HNRNPL: variants seen among roughly 807,000 people sequenced by gnomAD.
HNRNPL encodes the protein epididymis secretory sperm binding protein.
A neutral mutation model predicts 64.0 loss-of-function variants in HNRNPL; 12 were observed. The observed-to-expected ratio is 0.19, with a 90% CI of 0.12 to 0.30. HNRNPL has a LOEUF of 0.30. Ranked by LOEUF, HNRNPL falls within the 10% of genes least tolerant of loss-of-function variation. The pLI, the probability that HNRNPL is intolerant of heterozygous loss-of-function variation, is 1.00. For missense variants in HNRNPL, 484 were observed against 797.4 expected, an observed-to-expected ratio of 0.61 and a Z score of 4.73; for synonymous variants, 385 against 313.0, an observed-to-expected ratio of 1.23 and a Z score of -2.43.
intron 1 of HNRNPL, chr19:38,849,191 G>A (rs920120671): frequency 1.3e-5 from 2 of 156,994 alleles, no homozygotes; most frequent in Admixed American, 6.5e-5. Flanking sequence ...AGAGCATCTA[G>A]GCTCAAACAC....
At chr19:38,841,853 T>C in intron 6 of HNRNPL, 1 of 381,228 alleles carries the variant, frequency 2.6e-6, no homozygotes, top group South Asian at 2.0e-5. Context: ...ATGAAGTGGG[T>C]AGTGTCCCTC....
intron 3 of HNRNPL, 39 bp downstream of exon 3, chr19:38,845,814 G>T: frequency 6.3e-7 from 1 of 1,599,328 alleles, no homozygotes; most frequent in Non-Finnish European, 8.6e-7. Flanking sequence ...GGGGAGAAAA[G>T]GAAGGGAGAC....
chr19:38,838,715 T>C, intron 9 of HNRNPL, 117 bp from the exon 10 acceptor site: 2 of 1,313,652 alleles, frequency 1.5e-6, no homozygotes, highest in East Asian at 2.3e-5. Flanking sequence ...GCTCTACACC[T>C]GAGGCAAGGC....
rs747217365 is a variant in HNRNPL at position 38,845,910 on chromosome 19, C to G, written c.567G>C (p.Arg189=). 1.2e-6 allele frequency: 2 copies of G among 1,614,196 alleles called. No homozygotes were observed. The highest frequency in any genetic ancestry group is 1.7e-6 in the Non-Finnish European group (2 of 1,180,034). The part of the protein sequence containing the change: ...ISRPGDSDDS[R]SVNSVLLFTI... ...TAAAGAGAAGCACACTGTTCACGCT[C>G]CGGGAGTCATCCGAGTCCCCAGGGC... Residue 189 remains arginine, a synonymous_variant, in exon 3 of 13, where the codon CGG becomes CGC. Transcript: ENST00000221419.
intron 1 of HNRNPL, among the ~76,000 whole-genome samples, chr19:38,848,194 GATTCTCC>G (rs1972366363): frequency 6.6e-6 from 1 of 152,094 alleles, no homozygotes; most frequent in African/African-American, 2.4e-5. Flanking sequence ...AGGTTCAAGC[GATTCTCC>G]TGCCTCAGCC....
upstream of HNRNPL, among the ~76,000 whole-genome samples, chr19:38,851,479 A>C (rs1972502831): frequency 6.6e-6 from 1 of 152,120 alleles, no homozygotes; most frequent in Non-Finnish European, 1.5e-5. Flanking sequence ...GATATCGCCA[A>C]AGGGGGGAAA....
intron 6 of HNRNPL, chr19:38,840,897 T>G (rs945800256): frequency 6.1e-6 from 2 of 326,964 alleles, no homozygotes; most frequent in Admixed American, 5.1e-5. Flanking sequence ...GAAGCTGATA[T>G]ATTATGGCGG....
rs1972439231 is a variant in HNRNPL at position 38,849,725 on chromosome 19, C to G, written c.242G>C (p.Gly81Ala). The G allele has an allele frequency of 1.0e-5, 14 of 1,375,564 alleles. No individual in the cohort carries two copies. In the East Asian group the frequency reaches 4.3e-4, roughly 42 times the overall value. 85.2% of individuals were successfully genotyped at this position (1,375,564 alleles called of 1,614,324 possible). A position where few individuals can be genotyped will look rare whatever the true frequency, so the allele number is the denominator to read the frequency against. ...GGGGGGGGGAGAAGGGGGGEN... is the reference protein window; with the variant it reads ...GGGGGGGGGAAAAGGGGGGEN... ...CCCACCGCCGCCGCCGCCCGCCGCC[C>G]CGGCTCCTCCACCGCCACCGCCGCC... The change falls in exon 1 of 13, where the codon GGG (glycine) becomes GCG (alanine). Residue 81 changes from glycine to alanine, a missense_variant. Transcript: ENST00000221419.
chr19:38,843,241 G>C (rs1192093592), intron 6 of HNRNPL: 1 of 153,168 alleles, frequency 6.5e-6, no homozygotes, highest in Non-Finnish European at 1.5e-5. Context: ...TGCTACCAAA[G>C]GCAAACCATT....
chr19:38,843,789 G>C (rs1178535394), intron 6 of HNRNPL, 53 bp downstream of exon 6: 1 of 1,442,710 alleles, frequency 6.9e-7, no homozygotes. Context: ...AAGTGCACTA[G>C]TCGAGTGAAA....
In HNRNPL at chr19:38,840,679, G is replaced by A. The variant is rs115459451; in HGVS notation, c.881-120C>T. On this transcript the variant is annotated intron_variant, in intron 6 of 12. Coordinates refer to ENST00000221419, the MANE Select transcript of HNRNPL (RefSeq NM_001533.3). The stretch of plus-strand genomic sequence containing the variant: ...GCCAACTGCAAGCCCTCCCTTCCTC[G>A]AGGGCTGTGGGGCCTCCTTTTGTGA... The A allele has an allele frequency of 2.6e-3, 2,102 of 798,084 alleles. 38 individuals are homozygous for A. The African/African-American group carries it at 0.034, about 13-fold the overall frequency. The allele number at this position is 798,084 out of a possible 1,614,324, so 49.4% of individuals were successfully genotyped here.
At chr19:38,846,132 T>C (rs375329059) in intron 2 of HNRNPL, 42 bp from the exon 3 acceptor site, 4 of 1,413,246 alleles carry the variant, frequency 2.8e-6, no homozygotes, top group Middle Eastern at 1.8e-4. Flanking sequence ...CAGGAAAATG[T>C]AGACAGGAGG....
intron 6 of HNRNPL, chr19:38,841,792 T>G: frequency 4.3e-6 from 2 of 463,652 alleles, no homozygotes; most frequent in Non-Finnish European, 8.2e-6. Context: ...CAAAAATGGC[T>G]CACAGATGTT....
At chr19:38,838,708 C>G in intron 9 of HNRNPL, 110 bp from the exon 10 acceptor site, 1 of 1,336,498 alleles carries the variant, frequency 7.5e-7, no homozygotes, top group Non-Finnish European at 1.1e-6. Flanking sequence ...GGGCATTGCT[C>G]TACACCTGAG....
chr19:38,839,128 T>C, intron 8 of HNRNPL, 113 bp from the exon 9 acceptor site: 8 of 1,348,014 alleles, frequency 5.9e-6, no homozygotes, highest in Non-Finnish European at 8.3e-6. Context: ...GTCCTCACAG[T>C]TAATCGGGAC....
intron 10 of HNRNPL, 27 bp downstream of exon 10, chr19:38,838,370 C>G (rs1018417807): frequency 1.9e-5 from 30 of 1,589,494 alleles, no homozygotes; most frequent in Non-Finnish European, 2.5e-5. Context: ...AAGGACCCGA[C>G]TGCCTGCGCA....
intron 1 of HNRNPL, chr19:38,849,465 A>C: frequency 2.1e-6 from 1 of 471,284 alleles, no homozygotes; most frequent in Non-Finnish European, 3.4e-6. Flanking sequence ...CATTCGCCTC[A>C]CGAGCTACTT....
intron 9 of HNRNPL, 133 bp downstream of exon 9, chr19:38,838,761 T>C: frequency 7.3e-7 from 1 of 1,370,592 alleles, no homozygotes; most frequent in Non-Finnish European, 1.0e-6. Context: ...GAGACACGTC[T>C]GGGAACACAC....
intron 1 of HNRNPL, among the ~76,000 whole-genome samples, chr19:38,848,168 GCAACCTCCGCCTCCC>G (rs1972365166): frequency 6.6e-6 from 1 of 152,206 alleles, no homozygotes; most frequent in African/African-American, 2.4e-5. Flanking sequence ...TTAGTCCACT[GCAACCTCCGCCTCCC>G]AGGTTCAAGC....
Sources: gnomAD v4.1 joint callset for allele counts (sites outside exome capture counted in the v4.1 genomes callset) on GRCh38, gnomAD v4.1.1 for gene constraint, MANE v1.5 for transcripts, NCBI Gene and HGNC (gene_info 2026-07-23, HGNC 2026-07-21) for gene names.